LIPC: variants seen among roughly 807,000 people sequenced by gnomAD.
The protein encoded by LIPC is hepatic triacylglycerol lipase.
A neutral mutation model predicts 50.7 loss-of-function variants in LIPC; 44 were observed. The observed-to-expected ratio is 0.87, with a 90% CI of 0.68 to 1.11. The LOEUF (loss-of-function observed/expected upper bound fraction) is 1.11. Ranked by LOEUF, LIPC falls within the 50% of genes most tolerant of loss-of-function variation. The pLI is 0.00. For synonymous variants in LIPC, 271 were observed against 256.4 expected, an observed-to-expected ratio of 1.06 and a Z score of -0.54; for missense variants, 697 against 648.2, an observed-to-expected ratio of 1.08 and a Z score of -0.82.
intron 1 of LIPC, among the ~76,000 whole-genome samples, chr15:58,515,198 T>C (rs1449309553): frequency 1.3e-5 from 2 of 152,178 alleles, no homozygotes; most frequent in Non-Finnish European, 2.9e-5. Context: ...CCTCTCAAGA[T>C]CCTTACCTTA....
At chr15:58,563,796 A>T in intron 8 of LIPC, 73 bp downstream of exon 8, 1 of 1,204,540 alleles carries the variant, frequency 8.3e-7, no homozygotes, top group Non-Finnish European at 1.2e-6. Context: ...ACAATTTAAT[A>T]CTCACATTCA....
chr15:58,535,916 A>G (rs1381746064), intron 1 of LIPC, among the ~76,000 whole-genome samples: 1 of 152,224 alleles, frequency 6.6e-6, no homozygotes, highest in East Asian at 1.9e-4. Flanking sequence ...TCCAATGTAT[A>G]AATGGCTGAA....
chr15:58,539,160 A>G lies in LIPC; in HGVS notation c.273+643A>G, dbSNP rs546544969. Among the ~76,000 whole-genome samples, 127 of 152,302 alleles carry G rather than the reference A, an allele frequency of 8.3e-4. 1 individual carries two copies. Among genetic ancestry groups the G allele is most frequent in the Middle Eastern group, 3.4e-3 (1 of 294 alleles). ...TCACATCTTTATTCCAGGAAGCACA[A>G]TGTAGTAAAAGATGTACACAAAGGA... On this transcript the variant is annotated intron_variant, in intron 2 of 8. Coordinates refer to ENST00000299022, the MANE Select transcript of LIPC (RefSeq NM_000236.3).
At chr15:58,542,006 T>C in intron 3 of LIPC, 39 bp downstream of exon 3, 1 of 1,571,466 alleles carries the variant, frequency 6.4e-7, no homozygotes, top group Non-Finnish European at 8.6e-7. Flanking sequence ...CTCCCTTCCC[T>C]CCTTTCCCTT....
intron 7 of LIPC, among the ~76,000 whole-genome samples, chr15:58,563,116 T>C (rs543471273): frequency 6.6e-6 from 1 of 152,142 alleles, no homozygotes; most frequent in East Asian, 1.9e-4. Flanking sequence ...TGGGAGAGAG[T>C]GCATGCTGCA....
At chr15:58,495,872 C>G (rs1433180677) in intron 1 of LIPC, among the ~76,000 whole-genome samples, 1 of 152,220 alleles carries the variant, frequency 6.6e-6, no homozygotes, top group Non-Finnish European at 1.5e-5. Flanking sequence ...TAGGGTCAAG[C>G]ATAAACTCTG....
At chr15:58,485,789 G>A (rs1290547221) in intron 1 of LIPC, among the ~76,000 whole-genome samples, 1 of 152,254 alleles carries the variant, frequency 6.6e-6, no homozygotes, top group Non-Finnish European at 1.5e-5. Context: ...CCACACTGAG[G>A]GAGAGGTGGG....
At position 58,545,755 on chromosome 15, in the gene LIPC, G is replaced by A. The variant is rs34351746; in HGVS notation, c.588G>A (p.Ala196=). Reference sequence around the variant, plus strand: ...CTTTCCCATTAGGGCTGGATGCCGCGGGACCTTTGTTTGAGGGAAGTGCCC... The same window carrying A: ...CTTTCCCATTAGGGCTGGATGCCGCAGGACCTTTGTTTGAGGGAAGTGCCC... ...KIGRITGLDA[A]GPLFEGSAPS... The change falls in exon 5 of 9, where the codon GCG becomes GCA. Residue 196 remains alanine, a synonymous_variant. Coordinates refer to ENST00000299022, the MANE Select transcript of LIPC (RefSeq NM_000236.3). The A allele has an allele frequency of 1.5e-3, 2,369 of 1,614,116 alleles. 4 individuals are homozygous for A. Among genetic ancestry groups the A allele is most frequent in the Admixed American group, 3.8e-3 (231 of 60,026 alleles).
chr15:58,470,500 T>C (rs1347101349), intron 1 of LIPC, among the ~76,000 whole-genome samples: 2 of 152,148 alleles, frequency 1.3e-5, no homozygotes, highest in Non-Finnish European at 2.9e-5. Flanking sequence ...ATAAAATTAC[T>C]CATTTTATAA....
At chr15:58,466,320 C>T (rs1372386984) in intron 1 of LIPC, among the ~76,000 whole-genome samples, 1 of 152,170 alleles carries the variant, frequency 6.6e-6, no homozygotes, top group Non-Finnish European at 1.5e-5. Context: ...GAAATTCCCC[C>T]ACACTCTTTA....
chr15:58,565,454 G>C (rs938916497), intron 8 of LIPC: 39 of 1,412,928 alleles, frequency 2.8e-5, no homozygotes, highest in Admixed American at 8.7e-5. Flanking sequence ...GGAGAGGGAG[G>C]GGCCTGGCCC....
At chr15:58,537,739 A>T (rs1195076595) in intron 1 of LIPC, among the ~76,000 whole-genome samples, 2 of 151,216 alleles carry the variant, frequency 1.3e-5, no homozygotes, top group African/African-American at 4.9e-5. Context: ...TGAATGCCAC[A>T]CCCTCCCTCA....
chr15:58,534,964 A>G (rs1236550080), intron 1 of LIPC, among the ~76,000 whole-genome samples: 1 of 152,218 alleles, frequency 6.6e-6, no homozygotes, highest in Non-Finnish European at 1.5e-5. Flanking sequence ...GAAGTTACAC[A>G]AAATAAGTCT....
chr15:58,471,155 G>A lies in LIPC; in HGVS notation c.88+39035G>A, dbSNP rs1420345420. On this transcript the variant is annotated intron_variant, in intron 1 of 8. Coordinates refer to ENST00000299022, the MANE Select transcript of LIPC (RefSeq NM_000236.3). ...TTCTCTTTTTTTTTTTTTTTTTTTT[G>A]AGATGCGGTCTCACTCTGTCACCCA... 7.4e-5 allele frequency among the ~76,000 whole-genome samples: 2 copies of A among 26,908 alleles called. 1 individual carries two copies. Among genetic ancestry groups the A allele is most frequent in the African/African-American group, 3.1e-4 (2 of 6,412 alleles). 17.7% of individuals were successfully genotyped at this position (26,908 alleles called of 152,430 possible).
At chr15:58,437,491 T>TA (rs1462821011) in intron 1 of LIPC, among the ~76,000 whole-genome samples, 1 of 152,140 alleles carries the variant, frequency 6.6e-6, no homozygotes, top group Non-Finnish European at 1.5e-5. Flanking sequence ...TTTAAAGATA[T>TA]ATAAAGGGTT....
chr15:58,489,322 A>T (rs1250141253), intron 1 of LIPC, among the ~76,000 whole-genome samples: 1 of 151,166 alleles, frequency 6.6e-6, no homozygotes, highest in Non-Finnish European at 1.5e-5. Flanking sequence ...CATAGACAAA[A>T]CCAGTTCACC....
At chr15:58,559,652 G>C (rs1221156383) in intron 6 of LIPC, among the ~76,000 whole-genome samples, 1 of 148,930 alleles carries the variant, frequency 6.7e-6, no homozygotes. Flanking sequence ...GCTGCAGTAA[G>C]CCAAGGTGGC....
intron 1 of LIPC, among the ~76,000 whole-genome samples, chr15:58,507,165 T>C (rs1008513248): frequency 2.0e-5 from 3 of 152,142 alleles, no homozygotes; most frequent in South Asian, 2.1e-4. Flanking sequence ...AGGCAAATCA[T>C]AGGAGTGGGG....
chr15:58,489,519 C>T (rs1164262692), intron 1 of LIPC, among the ~76,000 whole-genome samples: 1 of 152,054 alleles, frequency 6.6e-6, no homozygotes, highest in Non-Finnish European at 1.5e-5. Context: ...GAAAACGGTC[C>T]TTGTGCACTC....
Sources: allele counts gnomAD v4.1 joint callset (sites outside exome capture counted in the v4.1 genomes callset), GRCh38; gene constraint gnomAD v4.1.1; transcripts MANE v1.5; gene names NCBI Gene and HGNC (gene_info 2026-07-23, HGNC 2026-07-21).